PAX2: variants seen among roughly 807,000 people sequenced by gnomAD.
PAX2 encodes the protein paired box 2.
PAX2 carries 9 observed loss-of-function variants against 41.7 expected under a neutral mutation model. That is an observed-to-expected ratio of 0.22 (90% CI 0.13 to 0.38). The LOEUF (loss-of-function observed/expected upper bound fraction) is 0.38, where lower values mean the gene tolerates loss of function less well. Among genes scored for constraint, PAX2 ranks in the 10% least tolerant of loss-of-function variants. The probability of loss-of-function intolerance (pLI) is 1.00; values close to 1 mark genes in which losing one functional copy is unlikely to be tolerated. For missense variants in PAX2, 418 were observed against 531.6 expected, an observed-to-expected ratio of 0.79 and a Z score of 2.10; for synonymous variants, 221 against 212.7, an observed-to-expected ratio of 1.04 and a Z score of -0.34.
upstream of PAX2, among the ~76,000 whole-genome samples, chr10:100,744,970 C>G (rs1297262144): frequency 6.7e-6 from 1 of 150,248 alleles, no homozygotes; most frequent in Non-Finnish European, 1.5e-5. Flanking sequence ...AAGGTACCTC[C>G]GGAGGGAAAG....
At position 100,814,224 on chromosome 10, in the gene PAX2, C is replaced by T. The variant is rs867989778; in HGVS notation, c.919+4988C>T. On this transcript the variant is annotated intron_variant, in intron 7 of 9. Transcript: ENST00000355243. ...AAAATTAGCCGGGCGTGGTGGCAGG[C>T]GCCTGTAGTCCCAGCTACTTCGGAG... Among the ~76,000 whole-genome samples, 20 of 151,944 alleles carry T rather than the reference C, an allele frequency of 1.3e-4. No homozygotes were observed. In the Middle Eastern group the frequency reaches 0.01, roughly 78 times the overall value.
Position 100,750,007 on chromosome 10 carries a change from G to A in PAX2, c.212+93G>A. ...TGGAGGACGTGGCTAAAAGTCCAGC[G>A]TGCCAAGCCAGAGAGGGAGATCCCC... On this transcript the variant is annotated intron_variant, in intron 2 of 9. Coordinates refer to ENST00000355243, the MANE Select transcript of PAX2 (RefSeq NM_000278.5). The surrounding 1 kb of genome is among the most constrained non-coding windows in gnomAD (Gnocchi z 4.1). 2 of 1,435,998 alleles carry A rather than the reference G, an allele frequency of 1.4e-6. No homozygotes were observed. Among genetic ancestry groups the A allele is most frequent in the Non-Finnish European group, 1.9e-6 (2 of 1,052,334 alleles). 89.0% of individuals were successfully genotyped at this position (1,435,998 alleles called of 1,614,324 possible).
At chr10:100,819,229 C>T (rs1205709470) in intron 7 of PAX2, among the ~76,000 whole-genome samples, 1 of 145,704 alleles carries the variant, frequency 6.9e-6, no homozygotes, top group African/African-American at 2.5e-5. Flanking sequence ...GCCTGGGAGA[C>T]AGAGCAAGAC....
intron 6 of PAX2, 100 bp from the exon 7 acceptor site, chr10:100,809,010 A>C: frequency 8.9e-7 from 1 of 1,121,902 alleles, no homozygotes; most frequent in Non-Finnish European, 1.3e-6. Flanking sequence ...TTTCTACCCC[A>C]TCTGGGCGGG....
At chr10:100,787,996 G>A (rs1459583149) in intron 5 of PAX2, among the ~76,000 whole-genome samples, 3 of 152,120 alleles carry the variant, frequency 2.0e-5, no homozygotes, top group Admixed American at 2.0e-4. Context: ...TGCTTCTTCA[G>A]CAGACCAGCC....
intron 5 of PAX2, among the ~76,000 whole-genome samples, chr10:100,782,675 G>A (rs1846678587): frequency 6.6e-6 from 1 of 152,266 alleles, no homozygotes; most frequent in African/African-American, 2.4e-5. Context: ...CAGCTTGTCT[G>A]GCTCTATTTC....
In PAX2 at chr10:100,751,703, A is replaced by G. The variant is rs4919489; in HGVS notation, c.410+812A>G. On this transcript the variant is annotated intron_variant, in intron 3 of 9. Coordinates refer to ENST00000355243, the MANE Select transcript of PAX2 (RefSeq NM_000278.5). ...GCTCTCGGGGAGAACACATGTGCAC[A>G]CTCCATGCATGTCCACCCTAGCCAG... 1.1e-3 allele frequency among the ~76,000 whole-genome samples: 160 copies of G among 151,672 alleles called. 2 individuals are homozygous for G. The highest frequency in any genetic ancestry group is 8.9e-3 in the Admixed American group (135 of 15,246).
At chr10:100,785,819 G>A (rs1365036633) in intron 5 of PAX2, among the ~76,000 whole-genome samples, 1 of 152,206 alleles carries the variant, frequency 6.6e-6, no homozygotes, top group East Asian at 1.9e-4. Context: ...GGGCAGTGGG[G>A]CTCAGTGGGA....
chr10:100,826,965 C>T lies in PAX2; in HGVS notation c.1022-44C>T, dbSNP rs759057733. 28 of 1,396,976 alleles carry T rather than the reference C, an allele frequency of 2.0e-5. No individual in the cohort carries two copies. Among genetic ancestry groups the T allele is most frequent in the Non-Finnish European group, 2.4e-5 (24 of 984,702 alleles). 86.5% of individuals were successfully genotyped at this position (1,396,976 alleles called of 1,614,324 possible). A position where few individuals can be genotyped will look rare whatever the true frequency, so the allele number is the denominator to read the frequency against. On this transcript the variant is annotated intron_variant, in intron 8 of 9. Coordinates refer to ENST00000355243, the MANE Select transcript of PAX2 (RefSeq NM_000278.5). This position sits in a 1 kb window ranked among gnomAD's most constrained non-coding sequence, Gnocchi z 5.5. ...ACCGGCCGGACTCGTGGGGTCCGCC[C>T]TGGCTTGCAGGCGTCTGATCCCCAC...
rs965754871 is a variant in PAX2 at position 100,748,324 on chromosome 10, A to T, written c.44-1422A>T. ...GAGAAGTGGGGCTAGAGATAGGGAG[A>T]TTAACGGGGTGGGCAAGGGGGTAAA... On this transcript the variant is annotated intron_variant, in intron 1 of 9. Coordinates refer to ENST00000355243, the MANE Select transcript of PAX2 (RefSeq NM_000278.5). This position sits in a 1 kb window ranked among gnomAD's most constrained non-coding sequence, Gnocchi z 5.0. The T allele has an allele frequency of 9.2e-6, 9 of 983,292 alleles. No individual in the cohort carries two copies. The highest frequency in any genetic ancestry group is 1.1e-5 in the Non-Finnish European group (9 of 829,100). 60.9% of individuals were successfully genotyped at this position (983,292 alleles called of 1,614,324 possible).
chr10:100,750,599 C>T lies in PAX2; in HGVS notation c.213-95C>T, dbSNP rs1014189891. The T allele has an allele frequency of 1.1e-5, 12 of 1,116,142 alleles. No homozygotes were observed. The highest frequency in any genetic ancestry group is 1.5e-5 in the African/African-American group (1 of 64,932). 69.1% of individuals were successfully genotyped at this position (1,116,142 alleles called of 1,614,324 possible). A position where few individuals can be genotyped will look rare whatever the true frequency, so the allele number is the denominator to read the frequency against. On this transcript the variant is annotated intron_variant, in intron 2 of 9. Transcript: ENST00000355243. This position sits in a 1 kb window ranked among gnomAD's most constrained non-coding sequence, Gnocchi z 4.1. ...TTTCCCTCCACTCCGCTGCCTCGGC[C>T]GGGCAGGAGAGTGGCTCAGCAGCTC...
intron 7 of PAX2, among the ~76,000 whole-genome samples, chr10:100,811,666 T>C (rs1847994542): frequency 6.6e-6 from 1 of 152,244 alleles, no homozygotes; most frequent in African/African-American, 2.4e-5. Context: ...CTTATTTTCT[T>C]GGCAAATATT....
chr10:100,809,184 C>T lies in PAX2; in HGVS notation c.867C>T (p.Asn289=), dbSNP rs199724772. The change falls in exon 7 of 10, where the codon AAC becomes AAT. Residue 289 remains asparagine (N), a synonymous_variant. Transcript: ENST00000355243. The stretch of plus-strand genomic sequence containing the variant: ...AGTCGAGTCTATCTGCATCCACCAA[C>T]CCTGAGCTGGGCAGCAACGTGTCAG... The part of the protein sequence containing the change: ...EVKSSLSAST[N]PELGSNVSGT... 14 of 1,613,818 alleles carry T rather than the reference C, an allele frequency of 8.7e-6. 1 individual carries two copies. In the South Asian group the frequency reaches 1.3e-4, roughly 15 times the overall value.
exon 1 of PAX2, chr10:100,735,694 C>G: frequency 9.5e-7 from 1 of 1,055,370 alleles, no homozygotes; most frequent in Non-Finnish European, 1.1e-6. Context: ...ACGCGGCGGC[C>G]GCGGGGAGCC....
chr10:100,786,872 C>T (rs1265188581), intron 5 of PAX2: 3 of 927,842 alleles, frequency 3.2e-6, no homozygotes, highest in African/African-American at 3.4e-5. Context: ...ATCTTGGGAT[C>T]CTGCCCCCAA....
chr10:100,808,521 G>C (rs562582578), intron 6 of PAX2, among the ~76,000 whole-genome samples: 1 of 152,146 alleles, frequency 6.6e-6, no homozygotes, highest in Non-Finnish European at 1.5e-5. Context: ...GTTTCAGGCA[G>C]GACACCCTTT....
intron 7 of PAX2, among the ~76,000 whole-genome samples, chr10:100,812,346 C>A (rs1241348166): frequency 6.6e-6 from 1 of 152,198 alleles, no homozygotes; most frequent in Non-Finnish European, 1.5e-5. Flanking sequence ...TCTCTCCAGC[C>A]CACGGCTCTA....
intron 1 of PAX2, among the ~76,000 whole-genome samples, chr10:100,738,641 G>A (rs145131288): frequency 6.6e-6 from 1 of 152,284 alleles, no homozygotes; most frequent in East Asian, 1.9e-4. Flanking sequence ...TTCGTTATCC[G>A]CGGGTCTAGA....
chr10:100,761,226 C>A (rs908883874), intron 3 of PAX2, among the ~76,000 whole-genome samples: 5 of 151,858 alleles, frequency 3.3e-5, no homozygotes, highest in African/African-American at 1.2e-4. Flanking sequence ...GCTATGAAGC[C>A]ATTTAACCCA....
Sources: gnomAD v4.1 joint callset for allele counts (sites outside exome capture counted in the v4.1 genomes callset) on GRCh38, gnomAD v4.1.1 for gene constraint, Gnocchi (gnomAD v3.1) non-coding constraint, MANE v1.5 for transcripts, NCBI Gene and HGNC (gene_info 2026-07-23, HGNC 2026-07-21) for gene names.